The following MYOM1 variants were observed in gnomAD, a reference collection of about 807,000 sequenced individuals.
MYOM1 encodes myomesin 1.
A neutral mutation model predicts 205.3 loss-of-function variants in MYOM1; 164 were observed. The observed-to-expected ratio is 0.80, with a 90% CI of 0.70 to 0.91. The LOEUF is 0.91. Among genes scored for constraint, MYOM1 ranks in the 40% least tolerant of loss-of-function variants. The pLI, the probability that MYOM1 is intolerant of heterozygous loss-of-function variation, is 0.00. For synonymous variants in MYOM1, 772 were observed against 789.4 expected (o/e 0.98, Z 0.37); for missense variants, 2,011 against 2,127.3 (o/e 0.95, Z 1.08).
At chr18:3,187,422 T>C (rs1331907609) in intron 5 of MYOM1, 58 bp downstream of exon 5, 8 of 1,573,932 alleles carry the variant, frequency 5.1e-6, no homozygotes, top group Non-Finnish European at 7.0e-6. Context: ...GTGTTTCCAC[T>C]AGAGGCGAAC....
At chr18:3,193,117 TA>T (rs1227240955) in intron 3 of MYOM1, among the ~76,000 whole-genome samples, 1 of 151,452 alleles carries the variant, frequency 6.6e-6, no homozygotes, top group Non-Finnish European at 1.5e-5. Context: ...CATAATTTTT[TA>T]AAAAAATTAG....
intron 22 of MYOM1, among the ~76,000 whole-genome samples, chr18:3,105,243 G>C (rs1208840200): frequency 6.6e-6 from 1 of 152,118 alleles, no homozygotes; most frequent in African/African-American, 2.4e-5. Flanking sequence ...TATAGGGGCA[G>C]ATAGCTTCTC....
At chr18:3,085,550 G>A (rs1038532547) in intron 30 of MYOM1, among the ~76,000 whole-genome samples, 2 of 152,080 alleles carry the variant, frequency 1.3e-5, no homozygotes, top group Non-Finnish European at 2.9e-5. Context: ...CAGCGAGCTA[G>A]CAGTCCTGAC....
chr18:3,185,503 T>C (rs1043638244), intron 5 of MYOM1, among the ~76,000 whole-genome samples: 1 of 152,158 alleles, frequency 6.6e-6, no homozygotes, highest in Non-Finnish European at 1.5e-5. Context: ...AAATTTGTTA[T>C]TGTTTGTGCA....
intron 14 of MYOM1, among the ~76,000 whole-genome samples, chr18:3,140,534 T>C (rs1454081044): frequency 1.3e-5 from 2 of 152,228 alleles, no homozygotes; most frequent in East Asian, 3.8e-4. Context: ...ATATTGCATG[T>C]AGAGGAGATA....
intron 33 of MYOM1, among the ~76,000 whole-genome samples, chr18:3,083,433 T>TTTTTTTTTTTTTTTTTTTC (rs2079111628): frequency 7.5e-6 from 1 of 133,476 alleles, no homozygotes; most frequent in Non-Finnish European, 1.6e-5. Flanking sequence ...TTTTCTTTTT[T>TTTTTTTTTTTTTTTTTTTC]TTTTTTTTTT....
the MYOM1 span, chr18:3,246,315 T>A: frequency 6.6e-6 from 1 of 152,008 alleles, no homozygotes; most frequent in Non-Finnish European, 1.5e-5. Context: ...TCTCGCTGAG[T>A]CCCCGCCCTC....
Position 3,131,379 on chromosome 18 carries a change from A to T in MYOM1, c.2502T>A (p.Ala834=), listed in dbSNP as rs772293166. ...QDSEAIEVKA[A]IGGGVSPDVC... ...AGTTATGCATAAGGAACTTACCAAT[A>T]GCAGCTTTGACTTCAATAGCTTCTG... Residue 834 remains alanine (A), a synonymous_variant, in exon 17 of 38, where the codon GCT becomes GCA. Coordinates refer to ENST00000356443, the MANE Select transcript of MYOM1 (RefSeq NM_003803.4). 1 of 1,613,926 alleles carries T rather than the reference A, an allele frequency of 6.2e-7. No homozygotes were observed. Among genetic ancestry groups the T allele is most frequent in the South Asian group, 1.1e-5 (1 of 91,070 alleles).
At chr18:3,103,079 A>G (rs948844827) in intron 22 of MYOM1, among the ~76,000 whole-genome samples, 4 of 152,284 alleles carry the variant, frequency 2.6e-5, no homozygotes, top group African/African-American at 7.2e-5. Context: ...TCCGCATGCA[A>G]TCAGTCATCA....
At chr18:3,093,175 C>G (rs1567901600) in intron 26 of MYOM1, among the ~76,000 whole-genome samples, 1 of 152,182 alleles carries the variant, frequency 6.6e-6, no homozygotes, top group Non-Finnish European at 1.5e-5. Flanking sequence ...GTTTCCCTCT[C>G]ACTAACAAGT....
At position 3,135,842 on chromosome 18, in the gene MYOM1, G is replaced by T. The variant is rs1272809992; in HGVS notation, c.2026-112C>A. ...CAACAAACCACTCCCTGTAATGCAAGCTGGACTGGAGGAGAGATGAGGAGG... is the reference window on the plus strand; with the variant it reads ...CAACAAACCACTCCCTGTAATGCAATCTGGACTGGAGGAGAGATGAGGAGG... On this transcript the variant is annotated intron_variant, in intron 14 of 37. Coordinates refer to ENST00000356443, the MANE Select transcript of MYOM1 (RefSeq NM_003803.4). This position sits in a 1 kb window ranked among gnomAD's most constrained non-coding sequence, Gnocchi z 4.1. 8.6e-7 allele frequency: 1 copy of T among 1,156,880 alleles called. No individual in the cohort carries two copies. The highest frequency in any genetic ancestry group is 2.5e-5 in the East Asian group (1 of 40,106). The allele number at this position is 1,156,880 out of a possible 1,614,324, so 71.7% of individuals were successfully genotyped here. A position where few individuals can be genotyped will look rare whatever the true frequency, so the allele number is the denominator to read the frequency against.
chr18:3,130,642 A>C (rs1169230153), intron 17 of MYOM1, among the ~76,000 whole-genome samples: 1 of 151,548 alleles, frequency 6.6e-6, no homozygotes, highest in Non-Finnish European at 1.5e-5. Flanking sequence ...TATTTTTAGA[A>C]ATGGGATTTC....
Position 3,135,751 on chromosome 18 carries a change from C to T in MYOM1, c.2026-21G>A, listed in dbSNP as rs1316449268. 6.2e-7 allele frequency: 1 copy of T among 1,612,924 alleles called. No homozygotes were observed. Among genetic ancestry groups the T allele is most frequent in the Non-Finnish European group, 8.5e-7 (1 of 1,179,422 alleles). Reference sequence around the variant, plus strand: ...TCACACTGCAGCAAGAACAGGGAAACCCATTGAAAGCACAGCAAACACAAG... The same window carrying T: ...TCACACTGCAGCAAGAACAGGGAAATCCATTGAAAGCACAGCAAACACAAG... On this transcript the variant is annotated intron_variant, in intron 14 of 37. Transcript: ENST00000356443. The surrounding 1 kb of genome is among the most constrained non-coding windows in gnomAD (Gnocchi z 4.1).
chr18:3,105,620 C>T (rs896779636), intron 22 of MYOM1, among the ~76,000 whole-genome samples: 1 of 152,046 alleles, frequency 6.6e-6, no homozygotes, highest in Non-Finnish European at 1.5e-5. Flanking sequence ...TTTAGGAGGC[C>T]GTGGCAGGGG....
At chr18:3,174,654 C>T (rs1349987652) in intron 6 of MYOM1, among the ~76,000 whole-genome samples, 1 of 152,178 alleles carries the variant, frequency 6.6e-6, no homozygotes, top group Non-Finnish European at 1.5e-5. Flanking sequence ...TCCTGCTGTC[C>T]TGCCCTTGTG....
intron 34 of MYOM1, among the ~76,000 whole-genome samples, chr18:3,077,156 G>A (rs1204176855): frequency 6.6e-6 from 1 of 151,728 alleles, no homozygotes; most frequent in East Asian, 1.9e-4. Context: ...GGGACTATAG[G>A]TGTGTGCCAC....
At chr18:3,084,229 G>T (rs2079123620) in intron 31 of MYOM1, among the ~76,000 whole-genome samples, 1 of 152,076 alleles carries the variant, frequency 6.6e-6, no homozygotes, top group African/African-American at 2.4e-5. Context: ...TGCTTATTTT[G>T]ATTTTTTTTC....
chr18:3,171,971 C>T (rs1243744612), intron 8 of MYOM1, among the ~76,000 whole-genome samples: 1 of 152,164 alleles, frequency 6.6e-6, no homozygotes. Context: ...GGTTACACAT[C>T]CCTATTCTAC....
At chr18:3,105,423 G>C (rs755075779) in intron 22 of MYOM1, among the ~76,000 whole-genome samples, 1 of 152,162 alleles carries the variant, frequency 6.6e-6, no homozygotes, top group African/African-American at 2.4e-5. Flanking sequence ...TCATCAGAAA[G>C]TCTTAAATGA....
Sources: gnomAD v4.1 joint callset for allele counts (sites outside exome capture counted in the v4.1 genomes callset) on GRCh38, gnomAD v4.1.1 for gene constraint, Gnocchi (gnomAD v3.1) non-coding constraint, MANE v1.5 for transcripts, NCBI Gene and HGNC (gene_info 2026-07-23, HGNC 2026-07-21) for gene names.